GALNT17: variants seen among roughly 807,000 people sequenced by gnomAD.
The protein encoded by GALNT17 is UDP-GalNAc:polypeptide N-acetylgalactosaminyltransferase-like 3.
GALNT17 carries 29 observed loss-of-function variants against 63.7 expected under a neutral mutation model. The ratio of observed to expected loss-of-function variants is 0.46; its 90% CI spans 0.34 to 0.62. The LOEUF (loss-of-function observed/expected upper bound fraction) is 0.62. Among genes scored for constraint, GALNT17 ranks in the 20% least tolerant of loss-of-function variants. GALNT17 has a pLI of 0.01. For synonymous variants in GALNT17, 305 were observed against 318.3 expected (o/e 0.96, Z 0.45); for missense variants, 603 against 799.6 (o/e 0.75, Z 2.97).
At chr7:71,445,498 G>A (rs1475025988) in intron 5 of GALNT17, among the ~76,000 whole-genome samples, 1 of 149,332 alleles carries the variant, frequency 6.7e-6, no homozygotes, top group Non-Finnish European at 1.5e-5. Flanking sequence ...CGCCCGGCCA[G>A]GGTGGAGGCT....
chr7:71,500,127 G>T (rs529773122), intron 5 of GALNT17, among the ~76,000 whole-genome samples: 5 of 152,058 alleles, frequency 3.3e-5, no homozygotes, highest in Admixed American at 3.3e-4. Flanking sequence ...TGTAAGAATG[G>T]ACTAATACAC....
At chr7:71,531,615 A>G (rs948143375) in intron 5 of GALNT17, among the ~76,000 whole-genome samples, 2 of 152,174 alleles carry the variant, frequency 1.3e-5, no homozygotes, top group South Asian at 4.1e-4. Flanking sequence ...ATGAGATTAT[A>G]TTTTTGAGAC....
intron 5 of GALNT17, among the ~76,000 whole-genome samples, chr7:71,468,089 G>GT (rs1787567062): frequency 1.3e-5 from 2 of 152,242 alleles, no homozygotes; most frequent in South Asian, 4.1e-4. Context: ...GTGCAAAGGC[G>GT]TGACTGTACC....
At chr7:71,553,695 T>C (rs1000444847) in intron 5 of GALNT17, among the ~76,000 whole-genome samples, 1 of 152,228 alleles carries the variant, frequency 6.6e-6, no homozygotes, top group African/African-American at 2.4e-5. Context: ...CAAATAAGAA[T>C]TCAACTTGCT....
At chr7:71,581,477 T>A (rs1377835002) in intron 6 of GALNT17, among the ~76,000 whole-genome samples, 4 of 151,984 alleles carry the variant, frequency 2.6e-5, no homozygotes, top group African/African-American at 7.3e-5. Flanking sequence ...AAGCATCAGA[T>A]CTCGTGAGAA....
rs149541210 is a variant in GALNT17 at position 71,701,997 on chromosome 7, A to G, written c.1501-8764A>G. 9.7e-3 allele frequency among the ~76,000 whole-genome samples: 1,462 copies of G among 150,988 alleles called. 30 individuals carry two copies. The highest frequency in any genetic ancestry group is 0.038 in the Admixed American group (565 of 15,060). On this transcript the variant is annotated intron_variant, in intron 9 of 10. Coordinates refer to ENST00000333538, the MANE Select transcript of GALNT17 (RefSeq NM_022479.3). Reference sequence around the variant, plus strand: ...AATCATATCCTTTGCAGCAACATAGATGTAGCTGGAGGCCATTATCCTAAG... The same window carrying G: ...AATCATATCCTTTGCAGCAACATAGGTGTAGCTGGAGGCCATTATCCTAAG...
chr7:71,596,320 G>C lies in GALNT17; in HGVS notation c.1080+24918G>C, dbSNP rs561947347. ...CCCAAAGTGCTGGGATTACAGGCGT[G>C]AGCCACTGCACCTGGCCTGCTGCTT... On this transcript the variant is annotated intron_variant, in intron 6 of 10. Coordinates refer to ENST00000333538, the MANE Select transcript of GALNT17 (RefSeq NM_022479.3). 3.5e-4 allele frequency among the ~76,000 whole-genome samples: 54 copies of C among 152,210 alleles called. 1 individual carries two copies. In the South Asian group the frequency reaches 1.0e-2, roughly 28 times the overall value.
At chr7:71,484,342 G>A (rs1787872949) in intron 5 of GALNT17, among the ~76,000 whole-genome samples, 4 of 152,074 alleles carry the variant, frequency 2.6e-5, no homozygotes, top group Admixed American at 2.6e-4. Context: ...GCAAAAATTA[G>A]CTGGGTGTGG....
In GALNT17 at chr7:71,405,765, C is replaced by T. The variant is rs1563068904; in HGVS notation, c.590-10124C>T. ...CTTTTGTAAGGACACTCATCCCATTCATGAGGGTAGAGTCCTCCTGACCTA... is the reference window on the plus strand; with the variant it reads ...CTTTTGTAAGGACACTCATCCCATTTATGAGGGTAGAGTCCTCCTGACCTA... On this transcript the variant is annotated intron_variant, in intron 3 of 10. Transcript: ENST00000333538. Among the ~76,000 whole-genome samples, 3 of 152,154 alleles carry T rather than the reference C, an allele frequency of 2.0e-5. No individual in the cohort carries two copies. The South Asian group carries it at 6.2e-4, about 32-fold the overall frequency.
intron 9 of GALNT17, among the ~76,000 whole-genome samples, chr7:71,678,046 G>A (rs1791179509): frequency 1.3e-5 from 2 of 152,114 alleles, no homozygotes; most frequent in South Asian, 4.2e-4. Flanking sequence ...GGCACAGAGG[G>A]GCAAGTGCCT....
intron 1 of GALNT17, among the ~76,000 whole-genome samples, chr7:71,207,051 A>T (rs1458336741): frequency 2.0e-5 from 3 of 151,990 alleles, no homozygotes; most frequent in African/African-American, 7.2e-5. Flanking sequence ...GCTTGCAGTG[A>T]GCCAAGATCG....
At chr7:71,137,545 G>T (rs901758694) in intron 1 of GALNT17, among the ~76,000 whole-genome samples, 55 of 152,190 alleles carry the variant, frequency 3.6e-4, no homozygotes, top group South Asian at 2.1e-4. Context: ...GAGCTAGTTT[G>T]AGGAGGTAAA....
intron 5 of GALNT17, among the ~76,000 whole-genome samples, chr7:71,525,545 A>T (rs1218893240): frequency 6.6e-6 from 1 of 151,470 alleles, no homozygotes; most frequent in African/African-American, 2.4e-5. Flanking sequence ...ATGAGATCTG[A>T]TGGTTTTATG....
intron 1 of GALNT17, among the ~76,000 whole-genome samples, chr7:71,247,811 A>G (rs1449502866): frequency 6.6e-6 from 1 of 152,212 alleles, no homozygotes; most frequent in African/African-American, 2.4e-5. Context: ...CCATCAACAC[A>G]TACTATGTAT....
chr7:71,292,740 T>C lies in GALNT17; in HGVS notation c.239-42810T>C, dbSNP rs532672220. 2.0e-5 allele frequency among the ~76,000 whole-genome samples: 3 copies of C among 150,024 alleles called. No homozygotes were observed. In the East Asian group the frequency reaches 6.1e-4, roughly 30 times the overall value. ...GGCAGATTTAAGATCTATCCTCTTA[T>C]TAAATTACAGTATACAATACAGTAT... On this transcript the variant is annotated intron_variant, in intron 1 of 10. Coordinates refer to ENST00000333538, the MANE Select transcript of GALNT17 (RefSeq NM_022479.3).
chr7:71,295,158 G>A (rs569260092), intron 1 of GALNT17, among the ~76,000 whole-genome samples: 4 of 152,094 alleles, frequency 2.6e-5, no homozygotes, highest in Admixed American at 6.5e-5. Context: ...AACGCTGCTG[G>A]CTTCATTTCT....
At chr7:71,580,028 T>G (rs1031901596) in intron 6 of GALNT17, among the ~76,000 whole-genome samples, 1 of 151,728 alleles carries the variant, frequency 6.6e-6, no homozygotes, top group East Asian at 1.9e-4. Flanking sequence ...ACGATAGAGA[T>G]GATGGATGGA....
At chr7:71,524,475 C>T (rs534144693) in intron 5 of GALNT17, among the ~76,000 whole-genome samples, 1 of 152,110 alleles carries the variant, frequency 6.6e-6, no homozygotes, top group Non-Finnish European at 1.5e-5. Flanking sequence ...GTCCCCAGTA[C>T]ATCAAACTCT....
intron 5 of GALNT17, among the ~76,000 whole-genome samples, chr7:71,482,803 A>G (rs57914683): frequency 0.12 from 17,559 of 152,006 alleles, 1,748 homozygotes; most frequent in East Asian, 0.54. Flanking sequence ...TCAGGATGAA[A>G]CTGTTCCACC....
Sources: gnomAD v4.1 joint callset for allele counts (sites outside exome capture counted in the v4.1 genomes callset) on GRCh38, gnomAD v4.1.1 for gene constraint, MANE v1.5 for transcripts, NCBI Gene and HGNC (gene_info 2026-07-23, HGNC 2026-07-21) for gene names.